The following MDFI variants were observed in gnomAD, a reference collection of about 807,000 sequenced individuals.
MDFI encodes inhibitor of MyoD family a.
In MDFI, 16 loss-of-function variants were observed where a neutral mutation model predicts 22.3. The observed-to-expected ratio is 0.72, with a 90% confidence interval of 0.49 to 1.09. MDFI has a LOEUF of 1.09. Among genes scored for constraint, MDFI ranks in the 50% least tolerant of loss-of-function variants. The pLI is 0.00. For missense variants in MDFI, 314 were observed against 326.1 expected (o/e 0.96, Z 0.29); for synonymous variants, 145 against 142.7 (o/e 1.02, Z -0.12).
chr6:41,644,292 C>T (rs1049535564), intron 2 of MDFI, among the ~76,000 whole-genome samples: 3 of 152,196 alleles, frequency 2.0e-5, no homozygotes, highest in Admixed American at 1.3e-4. Flanking sequence ...CTCCGTGGAG[C>T]CATGGGCCCC....
intron 4 of MDFI, among the ~76,000 whole-genome samples, chr6:41,650,959 T>G (rs1380695658): frequency 6.6e-6 from 1 of 152,076 alleles, no homozygotes; most frequent in African/African-American, 2.4e-5. Flanking sequence ...ATCCCAGCCC[T>G]TTGGGATCCA....
In MDFI at chr6:41,653,737, A is replaced by C; in HGVS notation, c.*162A>C. 1.1e-6 allele frequency: 1 copy of C among 911,220 alleles called. No homozygotes were observed. The highest frequency in any genetic ancestry group is 1.7e-5 in the South Asian group (1 of 58,118). 56.4% of individuals were successfully genotyped at this position (911,220 alleles called of 1,614,324 possible). A position where few individuals can be genotyped will look rare whatever the true frequency, so the allele number is the denominator to read the frequency against. Reference sequence around the variant, plus strand: ...CTCTCAGAACCCCAGCCTTGAAAATAGTGGGGGGCACTCAGAGGGGCCACC... The same window carrying C: ...CTCTCAGAACCCCAGCCTTGAAAATCGTGGGGGGCACTCAGAGGGGCCACC... On this transcript the variant is annotated 3_prime_UTR_variant, in exon 5 of 5. Coordinates refer to ENST00000230321, the MANE Select transcript of MDFI (RefSeq NM_005586.4). The surrounding 1 kb of genome is among the most constrained non-coding windows in gnomAD (Gnocchi z 4.2).
chr6:41,649,408 A>C (rs1768173934), intron 3 of MDFI, among the ~76,000 whole-genome samples: 1 of 152,186 alleles, frequency 6.6e-6, no homozygotes, highest in Non-Finnish European at 1.5e-5. Flanking sequence ...CTGAACTGAG[A>C]GTCAGGAGCT....
In MDFI at chr6:41,646,160, A is replaced by G. The variant is rs781719601; in HGVS notation, c.111A>G (p.Val37=). 3 of 1,569,658 alleles carry G rather than the reference A, an allele frequency of 1.9e-6. No homozygotes were observed. The highest frequency in any genetic ancestry group is 2.4e-5 in the East Asian group (1 of 41,804). Reference sequence around the variant, plus strand: ...TATCCCTCCTTCCTGGGCTGGAGGTAGTAACAGGATCCACTCACCCTGCGG... The same window carrying G: ...TATCCCTCCTTCCTGGGCTGGAGGTGGTAACAGGATCCACTCACCCTGCGG... ...QTLSLLPGLE[V]VTGSTHPAEA... The change falls in exon 3 of 5, where the codon GTA becomes GTG. Residue 37 remains valine (V), a synonymous_variant. Coordinates refer to ENST00000230321, the MANE Select transcript of MDFI (RefSeq NM_005586.4).
upstream of MDFI, among the ~76,000 whole-genome samples, chr6:41,637,677 A>G (rs1767690828): frequency 6.6e-6 from 1 of 151,994 alleles, no homozygotes; most frequent in African/African-American, 2.4e-5. The surrounding 1 kb of genome is among the most constrained non-coding windows in gnomAD (Gnocchi z 6.8). Context: ...CTCACCATCC[A>G]GACGCGCCGC....
intron 4 of MDFI, among the ~76,000 whole-genome samples, chr6:41,652,776 C>T (rs550371351): frequency 1.3e-5 from 2 of 152,072 alleles, no homozygotes; most frequent in African/African-American, 4.8e-5. Context: ...GCCACCACGC[C>T]CAGCTAATTT....
At chr6:41,644,327 C>T (rs1036593001) in intron 2 of MDFI, among the ~76,000 whole-genome samples, 1 of 152,226 alleles carries the variant, frequency 6.6e-6, no homozygotes, top group Non-Finnish European at 1.5e-5. Context: ...GCACATAACT[C>T]TCCTGCCCTG....
rs759194038 is a variant in MDFI at position 41,653,999 on chromosome 6, A to G, written c.*424A>G. On this transcript the variant is annotated 3_prime_UTR_variant, in exon 5 of 5. Coordinates refer to ENST00000230321, the MANE Select transcript of MDFI (RefSeq NM_005586.4). This position sits in a 1 kb window ranked among gnomAD's most constrained non-coding sequence, Gnocchi z 4.2. ...GGTGCCTGCCTCTCTCCTCCACCCC[A>G]GGCTTAGAGGACAGAAAAATGTGAA... The G allele has an allele frequency of 3.9e-5, 9 of 231,462 alleles. No individual in the cohort carries two copies. Among genetic ancestry groups the G allele is most frequent in the Admixed American group, 1.5e-4 (3 of 19,578 alleles). 14.3% of individuals were successfully genotyped at this position (231,462 alleles called of 1,614,324 possible).
intron 2 of MDFI, chr6:41,639,198 G>A (rs920951253): frequency 1.0e-6 from 1 of 973,910 alleles, no homozygotes; most frequent in African/African-American, 1.8e-5. Flanking sequence ...TGGTGTGGGG[G>A]AGGGGGCGTT....
chr6:41,639,545 C>T, intron 2 of MDFI: 1 of 985,404 alleles, frequency 1.0e-6, no homozygotes, highest in African/African-American at 1.7e-5. Flanking sequence ...CCTCGCCGGC[C>T]CTGGTTCTCA....
At chr6:41,651,093 G>A (rs1768255431) in intron 4 of MDFI, among the ~76,000 whole-genome samples, 1 of 149,878 alleles carries the variant, frequency 6.7e-6, no homozygotes, top group Non-Finnish European at 1.5e-5. Flanking sequence ...TGTAATCCCA[G>A]CTACTCCGGA....
Position 41,645,689 on chromosome 6 carries a change from G to A in MDFI, c.77-437G>A, listed in dbSNP as rs545796248. Among the ~76,000 whole-genome samples the A allele has an allele frequency of 4.6e-4, 70 of 152,050 alleles. 1 individual carries two copies. Among genetic ancestry groups the A allele is most frequent in the Non-Finnish European group, 2.8e-4 (19 of 68,012 alleles). On this transcript the variant is annotated intron_variant, in intron 2 of 4. Transcript: ENST00000230321. ...CTGGGTCACTGTGGATCCCTTTTCC[G>A]TGCCCAATCTCTCGCAGTCCGATGC...
Position 41,653,585 on chromosome 6 carries a change from G to C in MDFI, c.*10G>C. The C allele has an allele frequency of 6.3e-7, 1 of 1,599,156 alleles. No individual in the cohort carries two copies. The highest frequency in any genetic ancestry group is 8.5e-7 in the Non-Finnish European group (1 of 1,179,336). On this transcript the variant is annotated 3_prime_UTR_variant, in exon 5 of 5. Transcript: ENST00000230321. This position sits in a 1 kb window ranked among gnomAD's most constrained non-coding sequence, Gnocchi z 4.2. ...CTGCTTCTCCTCCTGAGCCTCTGTCGGGGGCTAAGCCAGCCTGGCGCCCCT... is the reference window on the plus strand; with the variant it reads ...CTGCTTCTCCTCCTGAGCCTCTGTCCGGGGCTAAGCCAGCCTGGCGCCCCT...
rs772415379 is a variant in MDFI at position 41,638,872 on chromosome 6, G to A, written c.76+47G>A. 87 of 1,507,956 alleles carry A rather than the reference G, an allele frequency of 5.8e-5. No homozygotes were observed. Among genetic ancestry groups the A allele is most frequent in the Non-Finnish European group, 4.4e-6 (5 of 1,128,274 alleles). 93.4% of individuals were successfully genotyped at this position (1,507,956 alleles called of 1,614,324 possible). ...GAAGCTGGACAGGGGCGGGTGGGCG[G>A]CTGAAGGGGCCAGTTATTAGTTCTC... On this transcript the variant is annotated intron_variant, in intron 2 of 4. Coordinates refer to ENST00000230321, the MANE Select transcript of MDFI (RefSeq NM_005586.4). This position sits in a 1 kb window ranked among gnomAD's most constrained non-coding sequence, Gnocchi z 7.6.
chr6:41,643,413 A>C (rs994392991), intron 2 of MDFI, among the ~76,000 whole-genome samples: 2 of 151,798 alleles, frequency 1.3e-5, no homozygotes, highest in African/African-American at 4.8e-5. Context: ...CCTCTCCCCT[A>C]ACCGAGAACT....
chr6:41,650,813 A>G (rs1768242527), intron 4 of MDFI, among the ~76,000 whole-genome samples: 1 of 151,430 alleles, frequency 6.6e-6, no homozygotes, highest in African/African-American at 2.4e-5. Context: ...ACCTCAGGTG[A>G]TCCACCCGCC....
chr6:41,652,937 C>A (rs1023326580), intron 4 of MDFI, among the ~76,000 whole-genome samples: 1 of 152,182 alleles, frequency 6.6e-6, no homozygotes, highest in African/African-American at 2.4e-5. Context: ...TAACCTCAGT[C>A]TCTTCATCTG....
At position 41,653,629 on chromosome 6, in the gene MDFI, C is replaced by T; in HGVS notation, c.*54C>T. The T allele has an allele frequency of 1.3e-6, 2 of 1,589,902 alleles. No homozygotes were observed. The highest frequency in any genetic ancestry group is 1.1e-5 in the South Asian group (1 of 90,174). The stretch of plus-strand genomic sequence containing the variant: ...CGCCCCTGCAGATTCCAGCAGGGTC[C>T]CTCTGAGTGGGGCCAGGCCCAGGAC... On this transcript the variant is annotated 3_prime_UTR_variant, in exon 5 of 5. Coordinates refer to ENST00000230321, the MANE Select transcript of MDFI (RefSeq NM_005586.4). The surrounding 1 kb of genome is among the most constrained non-coding windows in gnomAD (Gnocchi z 4.2).
chr6:41,643,768 T>C (rs1005497266), intron 2 of MDFI, among the ~76,000 whole-genome samples: 5 of 152,132 alleles, frequency 3.3e-5, no homozygotes, highest in African/African-American at 1.2e-4. Context: ...GAGCATTTTC[T>C]TTCCTCCTTG....
Sources: allele counts gnomAD v4.1 joint callset (sites outside exome capture counted in the v4.1 genomes callset), GRCh38; gene constraint gnomAD v4.1.1; non-coding constraint Gnocchi (gnomAD v3.1); transcripts MANE v1.5; gene names NCBI Gene and HGNC (gene_info 2026-07-23, HGNC 2026-07-21).